NUFIP2: variants seen among roughly 807,000 people sequenced by gnomAD.
The protein encoded by NUFIP2 is nuclear FMR1 interacting protein 2.
In NUFIP2, 6 loss-of-function variants were observed where a neutral mutation model predicts 56.9. The ratio of observed to expected loss-of-function variants is 0.11; its 90% CI spans 0.06 to 0.21. The LOEUF is 0.21. Among genes scored for constraint, NUFIP2 ranks in the 10% least tolerant of loss-of-function variants. The probability of loss-of-function intolerance (pLI) is 1.00; values close to 1 mark genes in which losing one functional copy is unlikely to be tolerated. For missense variants in NUFIP2, 828 were observed against 826.8 expected (o/e 1.00, Z -0.02); for synonymous variants, 321 against 298.2 (o/e 1.08, Z -0.79).
chr17:29,268,419 A>G (rs1407720120), intron 2 of NUFIP2, among the ~76,000 whole-genome samples: 1 of 152,228 alleles, frequency 6.6e-6, no homozygotes, highest in East Asian at 1.9e-4. Context: ...CAAAGCATTC[A>G]TCAAATTTGA....
rs995495637 is a variant in NUFIP2, at chr17:29,288,399, T to G, written c.278-683A>C. ...TGCCCTCTGGGCAAAAATCAAGTTT[T>G]ATTGAAACAGTAATTATTACAAGGA... On this transcript the variant is annotated intron_variant, in intron 1 of 3. Transcript: ENST00000225388. Among the ~76,000 whole-genome samples the G allele has an allele frequency of 4.3e-4, 66 of 152,246 alleles. 1 individual carries two copies. Among genetic ancestry groups the G allele is most frequent in the Admixed American group, 6.5e-4 (10 of 15,284 alleles).
chr17:29,267,395 C>G (rs1355234507), intron 3 of NUFIP2, 103 bp downstream of exon 3: 9 of 666,188 alleles, frequency 1.4e-5, no homozygotes, highest in Non-Finnish European at 2.1e-5. Context: ...ACTCAAAATA[C>G]AAAGTCTATT....
intron 2 of NUFIP2, among the ~76,000 whole-genome samples, chr17:29,271,531 C>T (rs547693453): frequency 1.6e-4 from 24 of 149,362 alleles, no homozygotes; most frequent in Non-Finnish European, 2.1e-4. Flanking sequence ...AGCAAGACTC[C>T]GTCTCAAAAA....
At chr17:29,284,002 A>G (rs1030912483) in intron 2 of NUFIP2, among the ~76,000 whole-genome samples, 3 of 152,218 alleles carry the variant, frequency 2.0e-5, no homozygotes, top group Non-Finnish European at 4.4e-5. Flanking sequence ...CAGCTTGCAG[A>G]TAAGGAAACG....
In NUFIP2 at chr17:29,264,540, CA is replaced by C. The variant is rs774470686; in HGVS notation, c.2086del (p.Ter696GlufsTer14). On this transcript the variant is annotated frameshift_variant and stop_lost, in exon 4 of 4. Coordinates refer to ENST00000225388, the MANE Select transcript of NUFIP2 (RefSeq NM_020772.3). LOFTEE classifies it high-confidence loss of function. ...YNEAMDSPDQ[*>X] ...GTTACGAATAGGCAGTCTGGTCCTTCATTGATCTGGACTATCCATGGCTTCA... is the reference window on the plus strand; with the variant it reads ...GTTACGAATAGGCAGTCTGGTCCTTCTTGATCTGGACTATCCATGGCTTCA... 1.2e-6 allele frequency: 2 copies of C among 1,606,378 alleles called. No individual in the cohort carries two copies. The highest frequency in any genetic ancestry group is 1.7e-6 in the Non-Finnish European group (2 of 1,173,378).
chr17:29,281,866 G>A (rs1387946945), intron 2 of NUFIP2, among the ~76,000 whole-genome samples: 4 of 150,054 alleles, frequency 2.7e-5, no homozygotes, highest in Admixed American at 6.7e-5. Flanking sequence ...CCGGGTTCAC[G>A]CCATTCTCCT....
Position 29,256,330 on chromosome 17 carries a change from A to T in NUFIP2, c.*8209T>A, listed in dbSNP as rs963702920. 3 of 152,246 alleles carry T rather than the reference A, an allele frequency of 2.0e-5. No homozygotes were observed. Among genetic ancestry groups the T allele is most frequent in the Non-Finnish European group, 2.9e-5 (2 of 68,048 alleles). 9.4% of individuals were successfully genotyped at this position (152,246 alleles called of 1,614,324 possible). ...CTGAACATAAGTGAACTACTGACAG[A>T]TGCGGAAGAGGAACCATAGCCATCT... On this transcript the variant is annotated 3_prime_UTR_variant, in exon 4 of 4. Coordinates refer to ENST00000225388, the MANE Select transcript of NUFIP2 (RefSeq NM_020772.3).
intron 2 of NUFIP2, among the ~76,000 whole-genome samples, chr17:29,282,508 A>T (rs920251573): frequency 4.6e-5 from 7 of 151,440 alleles, no homozygotes; most frequent in Non-Finnish European, 1.0e-4. Flanking sequence ...AGACTGTGAC[A>T]CTGCACTCCA....
intron 3 of NUFIP2, among the ~76,000 whole-genome samples, chr17:29,266,401 G>T (rs1025210383): frequency 2.0e-5 from 3 of 151,986 alleles, no homozygotes; most frequent in Admixed American, 2.0e-4. Flanking sequence ...TAGTTTACAG[G>T]AACCTCACTG....
Position 29,260,445 on chromosome 17 carries a change from A to G in NUFIP2, c.*4094T>C, listed in dbSNP as rs2068996041. The G allele has an allele frequency of 6.6e-6, 1 of 152,222 alleles. No homozygotes were observed. Among genetic ancestry groups the G allele is most frequent in the African/African-American group, 2.4e-5 (1 of 41,452 alleles). 9.4% of individuals were successfully genotyped at this position (152,222 alleles called of 1,614,324 possible). A position where few individuals can be genotyped will look rare whatever the true frequency, so the allele number is the denominator to read the frequency against. ...TATACTAATAATACCTGGAAATTGG[A>G]CTTTTAATCTATTTCTCTGAAGAGA... On this transcript the variant is annotated 3_prime_UTR_variant, in exon 4 of 4. Coordinates refer to ENST00000225388, the MANE Select transcript of NUFIP2 (RefSeq NM_020772.3).
At chr17:29,280,577 AC>A (rs2153011952) in intron 2 of NUFIP2, among the ~76,000 whole-genome samples, 1 of 152,218 alleles carries the variant, frequency 6.6e-6, no homozygotes, top group African/African-American at 2.4e-5. Flanking sequence ...TCCCAGCTAC[AC>A]AGGAGGCTGA....
intron 2 of NUFIP2, among the ~76,000 whole-genome samples, chr17:29,278,199 TTTG>T (rs1157019187): frequency 3.9e-5 from 6 of 152,116 alleles, no homozygotes; most frequent in East Asian, 3.9e-4. Context: ...TCAAGTTGTT[TTTG>T]TTATTTTTCT....
chr17:29,265,935 C>T (rs1022422657), intron 3 of NUFIP2, among the ~76,000 whole-genome samples: 1 of 152,070 alleles, frequency 6.6e-6, no homozygotes, highest in African/African-American at 2.4e-5. Flanking sequence ...GGCCATTTTA[C>T]AGTAAAAACA....
chr17:29,291,647 A>G (rs753354384), intron 1 of NUFIP2, among the ~76,000 whole-genome samples: 3 of 152,226 alleles, frequency 2.0e-5, no homozygotes, highest in African/African-American at 4.8e-5. Context: ...TGGCAAGAGT[A>G]TATTAACCTG....
chr17:29,284,283 C>T (rs1164615990), intron 2 of NUFIP2, among the ~76,000 whole-genome samples: 2 of 152,210 alleles, frequency 1.3e-5, no homozygotes, highest in African/African-American at 4.8e-5. Flanking sequence ...CTGAAACCCA[C>T]TGTTCTCAAA....
intron 2 of NUFIP2, among the ~76,000 whole-genome samples, chr17:29,273,045 C>T (rs200269140): frequency 2.3e-4 from 34 of 148,750 alleles, no homozygotes; most frequent in African/African-American, 6.7e-4. Context: ...CACACACACA[C>T]ATATATATAT....
rs775733579 is a variant in NUFIP2, at chr17:29,287,330, TAGG to T, written c.661_663del (p.Pro221del). On this transcript the variant is annotated inframe_deletion, in exon 2 of 4. Transcript: ENST00000225388. ...CTATTGCGCCTAGCTTTCCTTTTTT[TAGG>T]AGTTGTATATCCGCTCTCAGATCCA... The T allele has an allele frequency of 1.2e-6, 2 of 1,614,174 alleles. No individual in the cohort carries two copies. The highest frequency in any genetic ancestry group is 1.7e-6 in the Non-Finnish European group (2 of 1,180,038).
At position 29,256,573 on chromosome 17, in the gene NUFIP2, T is replaced by C. The variant is rs896625411; in HGVS notation, c.*7966A>G. ...TGAAAAAGCTATAAAATGGAAATAT[T>C]TATTTTTTATGTAGGAGCATGGGGA... is the stretch of plus-strand genomic sequence containing the variant. On this transcript the variant is annotated 3_prime_UTR_variant, in exon 4 of 4. Transcript: ENST00000225388. The C allele has an allele frequency of 4.6e-5, 7 of 152,144 alleles. No individual in the cohort carries two copies. Among genetic ancestry groups the C allele is most frequent in the African/African-American group, 1.7e-4 (7 of 41,420 alleles). 9.4% of individuals were successfully genotyped at this position (152,144 alleles called of 1,614,324 possible).
chr17:29,291,412 G>T (rs1020958408), intron 1 of NUFIP2, among the ~76,000 whole-genome samples: 1 of 152,094 alleles, frequency 6.6e-6, no homozygotes, highest in Admixed American at 6.5e-5. Context: ...ACATGTTACA[G>T]ATAAATTTCA....
Sources: gnomAD v4.1 joint callset for allele counts (sites outside exome capture counted in the v4.1 genomes callset) on GRCh38, gnomAD v4.1.1 for gene constraint, MANE v1.5 for transcripts, NCBI Gene and HGNC (gene_info 2026-07-23, HGNC 2026-07-21) for gene names.